Variants in WWOX observed in about 807,000 individuals in gnomAD.
WWOX encodes WW domain-containing oxidoreductase.
WWOX carries 69 observed loss-of-function variants against 46.2 expected under a neutral mutation model. That is an observed-to-expected ratio of 1.49 (90% CI 1.23 to 1.82). The LOEUF is 1.82. WWOX is among the 40% of genes most tolerant of loss of function. The pLI is 0.00. For synonymous variants in WWOX, 359 were observed against 202.6 expected (o/e 1.77, Z -6.56); for missense variants, 919 against 542.6 (o/e 1.69, Z -6.89).
Position 78,848,008 on chromosome 16 carries a change from G to A in WWOX, c.1057-363600G>A, listed in dbSNP as rs567911076. On this transcript the variant is annotated intron_variant, in intron 8 of 8. Coordinates refer to ENST00000566780, the MANE Select transcript of WWOX (RefSeq NM_016373.4). ...GGGAGAGTGGTTGCCCCAGCTGATAGCCTGTCGGTGCCTGGCATATGAGTG... is the reference window on the plus strand; with the variant it reads ...GGGAGAGTGGTTGCCCCAGCTGATAACCTGTCGGTGCCTGGCATATGAGTG... Among the ~76,000 whole-genome samples, 9 of 152,254 alleles carry A rather than the reference G, an allele frequency of 5.9e-5. No individual in the cohort carries two copies. In the East Asian group the frequency reaches 1.7e-3, roughly 29 times the overall value.
At chr16:78,675,599 G>A (rs940210561) in intron 8 of WWOX, among the ~76,000 whole-genome samples, 2 of 152,070 alleles carry the variant, frequency 1.3e-5, no homozygotes, top group African/African-American at 2.4e-5. Context: ...AAAGACTCCC[G>A]CCCTACTGCT....
intron 5 of WWOX, among the ~76,000 whole-genome samples, chr16:78,273,954 G>T (rs146096610): frequency 4.6e-5 from 7 of 152,348 alleles, no homozygotes; most frequent in Admixed American, 1.3e-4. Flanking sequence ...GGACAGGATA[G>T]ACATTGACCA....
At chr16:78,476,636 G>C (rs2084355135) in intron 8 of WWOX, among the ~76,000 whole-genome samples, 1 of 151,768 alleles carries the variant, frequency 6.6e-6, no homozygotes, top group African/African-American at 2.4e-5. Context: ...AAAAAGAACT[G>C]GAGCATCGAC....
chr16:78,144,154 C>A (rs1239011615), intron 4 of WWOX, among the ~76,000 whole-genome samples: 1 of 151,656 alleles, frequency 6.6e-6, no homozygotes, highest in Non-Finnish European at 1.5e-5. Context: ...ATTTTAAAAC[C>A]CTGGGTTGTA....
At chr16:78,662,072 T>C (rs931650452) in intron 8 of WWOX, among the ~76,000 whole-genome samples, 2 of 151,990 alleles carry the variant, frequency 1.3e-5, no homozygotes, top group East Asian at 1.9e-4. Context: ...GTAGTAGTAG[T>C]AGTGGTGGTG....
chr16:78,976,701 C>A (rs921437432), intron 8 of WWOX, among the ~76,000 whole-genome samples: 2 of 152,120 alleles, frequency 1.3e-5, no homozygotes, highest in Admixed American at 6.5e-5. Context: ...TGCCTGAGAC[C>A]CACCAGGAGC....
chr16:78,475,922 AG>A (rs2084338604), intron 8 of WWOX, among the ~76,000 whole-genome samples: 1 of 152,208 alleles, frequency 6.6e-6, no homozygotes, highest in Non-Finnish European at 1.5e-5. Flanking sequence ...GAGGTATTAA[AG>A]AATGTGTCTC....
At chr16:79,025,525 C>G (rs372837625) in intron 8 of WWOX, among the ~76,000 whole-genome samples, 2 of 151,982 alleles carry the variant, frequency 1.3e-5, no homozygotes, top group African/African-American at 4.8e-5. Context: ...CCCCCACAAG[C>G]CAGGGAGCAC....
intron 6 of WWOX, among the ~76,000 whole-genome samples, chr16:78,401,739 G>A (rs572031830): frequency 4.6e-5 from 7 of 151,822 alleles, no homozygotes; most frequent in South Asian, 2.1e-4. Flanking sequence ...TTGCTCTGTC[G>A]CCCAGGCTGG....
intron 8 of WWOX, among the ~76,000 whole-genome samples, chr16:79,046,566 G>A (rs1371546551): frequency 6.6e-6 from 1 of 152,156 alleles, no homozygotes. Flanking sequence ...GGAAGAGGGT[G>A]AGAGAGCTCA....
intron 6 of WWOX, among the ~76,000 whole-genome samples, chr16:78,393,406 C>G (rs1225058852): frequency 6.6e-6 from 1 of 152,042 alleles, no homozygotes; most frequent in African/African-American, 2.4e-5. Context: ...GCCTATAATC[C>G]CAGCGCTTTT....
intron 5 of WWOX, among the ~76,000 whole-genome samples, chr16:78,299,711 T>G (rs2080006481): frequency 6.6e-6 from 1 of 152,042 alleles, no homozygotes; most frequent in Middle Eastern, 3.4e-3. Flanking sequence ...GTATATTTAG[T>G]AGAGATGGGG....
intron 8 of WWOX, among the ~76,000 whole-genome samples, chr16:78,557,499 C>T (rs937434268): frequency 2.6e-5 from 4 of 152,050 alleles, no homozygotes; most frequent in Non-Finnish European, 4.4e-5. Flanking sequence ...TTCTGGAATG[C>T]CGGAGCACTG....
intron 8 of WWOX, among the ~76,000 whole-genome samples, chr16:78,533,311 G>T (rs4366715): frequency 0.042 from 6,372 of 152,038 alleles, 388 homozygotes; most frequent in African/African-American, 0.13. Context: ...TGGGTCAGTT[G>T]AGTCTAACAT....
intron 8 of WWOX, among the ~76,000 whole-genome samples, chr16:78,702,120 A>ATATATATATATATATATATATT (rs1207718237): frequency 3.5e-4 from 46 of 130,000 alleles, no homozygotes; most frequent in African/African-American, 1.4e-3. Context: ...ATATATATAT[A>ATATATATATATATATATATATT]TATTTATTTA....
At chr16:78,227,504 C>T (rs559703007) in intron 5 of WWOX, among the ~76,000 whole-genome samples, 26 of 152,258 alleles carry the variant, frequency 1.7e-4, no homozygotes, top group East Asian at 1.5e-3. Flanking sequence ...GCATTTGTTT[C>T]GATTTGTGGT....
intron 8 of WWOX, among the ~76,000 whole-genome samples, chr16:79,109,957 T>A (rs945105238): frequency 1.3e-5 from 2 of 152,160 alleles, no homozygotes; most frequent in Non-Finnish European, 2.9e-5. Flanking sequence ...TGCATGGAAA[T>A]GAAAGTGCCA....
intron 8 of WWOX, among the ~76,000 whole-genome samples, chr16:78,806,882 G>A (rs1051165963): frequency 2.6e-5 from 4 of 152,150 alleles, no homozygotes; most frequent in South Asian, 4.1e-4. Context: ...TTCGTGTCCT[G>A]CAGTGGGATA....
intron 8 of WWOX, among the ~76,000 whole-genome samples, chr16:79,132,984 A>G (rs1248287829): frequency 6.6e-6 from 1 of 152,066 alleles, no homozygotes; most frequent in East Asian, 1.9e-4. Context: ...TGTCACTTGG[A>G]TCTTACCAGT....
Sources: allele counts gnomAD v4.1 joint callset (sites outside exome capture counted in the v4.1 genomes callset), GRCh38; gene constraint gnomAD v4.1.1; transcripts MANE v1.5; gene names NCBI Gene and HGNC (gene_info 2026-07-23, HGNC 2026-07-21).